Variants in PCDH15 observed in about 807,000 individuals in gnomAD.
The protein encoded by PCDH15 is protocadherin-15.
A neutral mutation model predicts 178.5 loss-of-function variants in PCDH15; 129 were observed. The ratio of observed to expected loss-of-function variants is 0.72; its 90% CI spans 0.63 to 0.84. PCDH15 has a LOEUF of 0.84. Among genes scored for constraint, PCDH15 ranks in the 40% least tolerant of loss-of-function variants. The pLI, the probability that PCDH15 is intolerant of heterozygous loss-of-function variation, is 0.00. For missense variants in PCDH15, 2,230 were observed against 2,099.9 expected (o/e 1.06, Z -1.21); for synonymous variants, 800 against 732.0 (o/e 1.09, Z -1.50).
In PCDH15 at chr10:54,662,951, A is replaced by C. The variant is rs966679175; in HGVS notation, c.91+1221T>G. 2.6e-5 allele frequency among the ~76,000 whole-genome samples: 4 copies of C among 151,974 alleles called. No homozygotes were observed. The East Asian group carries it at 7.7e-4, about 29-fold the overall frequency. On this transcript the variant is annotated intron_variant, in intron 2 of 37. Transcript: ENST00000644397. ...AAAATCATTTTTAGGCTGCAGATTCACAATCTCCATAAATATCAAAGATGT... is the reference window on the plus strand; with the variant it reads ...AAAATCATTTTTAGGCTGCAGATTCCCAATCTCCATAAATATCAAAGATGT...
At chr10:55,192,739 CTCTA>C (rs1021909183) in intron 1 of PCDH15, among the ~76,000 whole-genome samples, 14 of 149,682 alleles carry the variant, frequency 9.4e-5, no homozygotes, top group Admixed American at 6.0e-4. Context: ...CTCTCTCTCT[CTCTA>C]TATATATATA....
chr10:54,499,243 G>A (rs907086599), intron 3 of PCDH15, among the ~76,000 whole-genome samples: 3 of 152,076 alleles, frequency 2.0e-5, no homozygotes, highest in Non-Finnish European at 4.4e-5. Flanking sequence ...ATACCCCAAT[G>A]ACAGTATTAG....
intron 18 of PCDH15, among the ~76,000 whole-genome samples, chr10:54,061,433 T>G (rs1403463030): frequency 6.6e-6 from 1 of 151,954 alleles, no homozygotes; most frequent in Non-Finnish European, 1.5e-5. Flanking sequence ...AGCTCTTCCA[T>G]TATTGTCAGA....
At position 54,377,898 on chromosome 10, in the gene PCDH15, A is replaced by G. The variant is rs528592497; in HGVS notation, c.318+884T>C. On this transcript the variant is annotated intron_variant, in intron 4 of 37. Transcript: ENST00000644397. Reference sequence around the variant, plus strand: ...TTTTTTTTTAATTTTTCCAGAAATGAAACATCCAACTACGTTGGTAATTTA... The same window carrying G: ...TTTTTTTTTAATTTTTCCAGAAATGGAACATCCAACTACGTTGGTAATTTA... 1.2e-4 allele frequency among the ~76,000 whole-genome samples: 18 copies of G among 152,150 alleles called. No homozygotes were observed. In the South Asian group the frequency reaches 3.7e-3, roughly 32 times the overall value.
At chr10:53,839,824 CATGA>C (rs1425124392) in intron 29 of PCDH15, among the ~76,000 whole-genome samples, 1 of 151,988 alleles carries the variant, frequency 6.6e-6, no homozygotes, top group Non-Finnish European at 1.5e-5. Context: ...TCACATAGAG[CATGA>C]ACTTAAATGG....
chr10:53,850,448 G>A (rs111300285), intron 28 of PCDH15, among the ~76,000 whole-genome samples: 2,478 of 152,018 alleles, frequency 0.016, 61 homozygotes, highest in African/African-American at 0.057. Context: ...GTAAACAGAG[G>A]TTACTTCTCT....
At chr10:54,117,685 T>C (rs189626876) in intron 15 of PCDH15, among the ~76,000 whole-genome samples, 1 of 151,954 alleles carries the variant, frequency 6.6e-6, no homozygotes, top group Admixed American at 6.5e-5. Context: ...GCTCCTTTCC[T>C]CAGGCAGGTA....
rs572643730 is a variant in PCDH15, at chr10:53,822,137, T to C, written c.4368-1907A>G. 2.3e-5 allele frequency: 37 copies of C among 1,614,114 alleles called. No homozygotes were observed. The South Asian group carries it at 3.2e-4, about 14-fold the overall frequency. ...TACACACTGTCGTTGTTGATAGCTG[T>C]GTCATAGAGGACTTAATTTTCTCGG... On this transcript the variant is annotated intron_variant, in intron 32 of 37. Transcript: ENST00000644397.
At chr10:53,931,800 C>T (rs897514916) in intron 25 of PCDH15, among the ~76,000 whole-genome samples, 1 of 152,024 alleles carries the variant, frequency 6.6e-6, no homozygotes, top group Admixed American at 6.6e-5. Flanking sequence ...TCTAATACTC[C>T]AAATTTCATT....
intron 10 of PCDH15, among the ~76,000 whole-genome samples, chr10:54,203,816 C>T (rs1169115845): frequency 3.9e-5 from 6 of 152,218 alleles, no homozygotes; most frequent in African/African-American, 1.2e-4. Flanking sequence ...TTCTGAAAAA[C>T]GGGCAAATTG....
intron 2 of PCDH15, among the ~76,000 whole-genome samples, chr10:55,533,798 A>T (rs1215145222): frequency 6.6e-6 from 1 of 152,122 alleles, no homozygotes; most frequent in Admixed American, 6.6e-5. Context: ...AATAGAACAA[A>T]GCTGGAGGCA....
intron 25 of PCDH15, among the ~76,000 whole-genome samples, chr10:53,926,873 C>G (rs900822264): frequency 2.6e-5 from 4 of 152,198 alleles, no homozygotes; most frequent in Admixed American, 1.3e-4. Context: ...GTTATAGCTT[C>G]TCCACCAGGA....
intron 28 of PCDH15, among the ~76,000 whole-genome samples, chr10:53,847,165 T>C (rs1490411072): frequency 6.6e-6 from 1 of 152,068 alleles, no homozygotes; most frequent in Non-Finnish European, 1.5e-5. Flanking sequence ...ACTACACCCA[T>C]TAAATGCACA....
intron 2 of PCDH15, among the ~76,000 whole-genome samples, chr10:54,653,956 T>C (rs919543887): frequency 5.3e-5 from 8 of 152,234 alleles, no homozygotes; most frequent in African/African-American, 1.9e-4. Context: ...TGCACAAATT[T>C]ATCACCTCAT....
chr10:55,434,077 C>CTTTTTTTTTTTTTTTTTTTTTTTT (rs60921527), intron 2 of PCDH15, among the ~76,000 whole-genome samples: 3 of 90,824 alleles, frequency 3.3e-5, no homozygotes, highest in African/African-American at 4.5e-5. Flanking sequence ...CTTTTCTTTT[C>CTTTTTTTTTTTTTTTTTTTTTTTT]TTTTTTTTTT....
At chr10:55,378,877 A>C (rs1203380069) in intron 2 of PCDH15, among the ~76,000 whole-genome samples, 344 of 124,076 alleles carry the variant, frequency 2.8e-3, no homozygotes, top group African/African-American at 4.1e-3. Flanking sequence ...AACTCTCCCC[A>C]TCTCTCTCTC....
At chr10:54,807,754 ATAG>A (rs1368094664) in intron 3 of PCDH15, among the ~76,000 whole-genome samples, 1 of 149,266 alleles carries the variant, frequency 6.7e-6, no homozygotes, top group East Asian at 1.9e-4. Context: ...TATACTTATA[ATAG>A]TATAAAAATT....
intron 2 of PCDH15, among the ~76,000 whole-genome samples, chr10:55,127,129 G>A (rs146801051): frequency 1.8e-3 from 276 of 152,032 alleles, no homozygotes; most frequent in African/African-American, 6.0e-3. Flanking sequence ...TTTTCTGCTC[G>A]ATTATCCTAT....
At chr10:55,250,992 T>G (rs773622426) in intron 1 of PCDH15, among the ~76,000 whole-genome samples, 2 of 152,154 alleles carry the variant, frequency 1.3e-5, no homozygotes, top group Non-Finnish European at 2.9e-5. Context: ...ATTGCACTAT[T>G]ATGGAGACAA....
Sources: allele counts gnomAD v4.1 joint callset (sites outside exome capture counted in the v4.1 genomes callset), GRCh38; gene constraint gnomAD v4.1.1; transcripts MANE v1.5; gene names NCBI Gene and HGNC (gene_info 2026-07-23, HGNC 2026-07-21).